SRL: variants seen among roughly 807,000 people sequenced by gnomAD.
SRL encodes the protein sarcalumenin.
Under a neutral mutation model 39.5 loss-of-function variants are expected in SRL, and 23 were observed. The ratio of observed to expected loss-of-function variants is 0.58; its 90% confidence interval spans 0.42 to 0.82. SRL has a LOEUF of 0.82. SRL is among the 40% of genes least tolerant of loss of function. SRL has a pLI of 0.00. For missense variants in SRL, 592 were observed against 607.8 expected (o/e 0.97, Z 0.27); for synonymous variants, 272 against 237.4 (o/e 1.15, Z -1.34).
chr16:4,206,955 T>G, intron 1 of SRL: 1 of 455,976 alleles, frequency 2.2e-6, no homozygotes, highest in South Asian at 1.5e-5. Context: ...ATCCCCACCT[T>G]CCTGGGGCTC....
chr16:4,219,576 G>A (rs1461320584), intron 1 of SRL, among the ~76,000 whole-genome samples: 1 of 152,164 alleles, frequency 6.6e-6, no homozygotes, highest in African/African-American at 2.4e-5. Flanking sequence ...TCCTGCCTCA[G>A]CCTGTTGAGT....
intron 1 of SRL, among the ~76,000 whole-genome samples, chr16:4,226,429 G>C (rs1001829439): frequency 6.6e-6 from 1 of 151,938 alleles, no homozygotes; most frequent in Non-Finnish European, 1.5e-5. Context: ...ATGAATGGAT[G>C]GATGGGTGGA....
At chr16:4,193,048 G>A (rs551328161) in intron 5 of SRL, 84 bp from the exon 6 acceptor site, 5 of 1,229,056 alleles carry the variant, frequency 4.1e-6, no homozygotes, top group East Asian at 2.4e-5. Context: ...AACCATTCTG[G>A]GGGTTGAAAG....
At chr16:4,236,131 A>C (rs1297441748) in intron 1 of SRL, among the ~76,000 whole-genome samples, 1 of 152,188 alleles carries the variant, frequency 6.6e-6, no homozygotes, top group Non-Finnish European at 1.5e-5. Flanking sequence ...CAGTAAACCC[A>C]TCTGCTTTTA....
chr16:4,195,026 C>T (rs59346246), intron 5 of SRL, among the ~76,000 whole-genome samples: 252 of 152,048 alleles, frequency 1.7e-3, no homozygotes, highest in African/African-American at 5.9e-3. Context: ...TCCCGAGTAG[C>T]TGGGACTACA....
chr16:4,222,698 A>G (rs1436011792), intron 1 of SRL, among the ~76,000 whole-genome samples: 1 of 152,228 alleles, frequency 6.6e-6, no homozygotes, highest in Non-Finnish European at 1.5e-5. Flanking sequence ...TGCTGGCTGC[A>G]TTGAGAGCAC....
At chr16:4,232,801 C>A (rs868237133) in intron 1 of SRL, among the ~76,000 whole-genome samples, 1 of 152,192 alleles carries the variant, frequency 6.6e-6, no homozygotes, top group African/African-American at 2.4e-5. Context: ...CAAGAGCCAC[C>A]GTGCCCAGCC....
chr16:4,222,075 C>T (rs959964086), intron 1 of SRL, among the ~76,000 whole-genome samples: 2 of 152,204 alleles, frequency 1.3e-5, no homozygotes, highest in Non-Finnish European at 2.9e-5. Flanking sequence ...GGGATGCAAT[C>T]CAACCCATAA....
intron 3 of SRL, among the ~76,000 whole-genome samples, chr16:4,198,273 A>T (rs1483686754): frequency 6.6e-6 from 1 of 152,176 alleles, no homozygotes; most frequent in Non-Finnish European, 1.5e-5. Context: ...TTCCACATGG[A>T]GAGAATCTGG....
intron 3 of SRL, among the ~76,000 whole-genome samples, chr16:4,201,119 T>TTTG (rs897917030): frequency 6.6e-5 from 10 of 151,140 alleles, no homozygotes; most frequent in African/African-American, 2.4e-4. Flanking sequence ...GGTTCCAATT[T>TTTG]TTTTTTTTTT....
intron 1 of SRL, among the ~76,000 whole-genome samples, chr16:4,206,159 C>G (rs768305075): frequency 6.6e-6 from 1 of 152,218 alleles, no homozygotes; most frequent in Non-Finnish European, 1.5e-5. Context: ...CCTTCCCCCT[C>G]TGCTCCTGGC....
At chr16:4,227,177 GATGA>G (rs1047335847) in intron 1 of SRL, among the ~76,000 whole-genome samples, 1 of 151,644 alleles carries the variant, frequency 6.6e-6, no homozygotes, top group Non-Finnish European at 1.5e-5. Flanking sequence ...AGGGTGGATA[GATGA>G]ATGGACAGAC....
At chr16:4,228,311 C>T (rs1236922363) in intron 1 of SRL, among the ~76,000 whole-genome samples, 1 of 152,194 alleles carries the variant, frequency 6.6e-6, no homozygotes, top group African/African-American at 2.4e-5. Flanking sequence ...GCGGCGCATG[C>T]CTGTAATCCC....
chr16:4,214,337 G>C (rs370529503), intron 1 of SRL, among the ~76,000 whole-genome samples: 15 of 152,340 alleles, frequency 9.8e-5, no homozygotes, highest in African/African-American at 3.4e-4. Context: ...ACTAGAGCTA[G>C]CAAGTCCAAA....
intron 1 of SRL, among the ~76,000 whole-genome samples, chr16:4,212,523 G>A (rs530502825): frequency 3.2e-4 from 49 of 152,312 alleles, no homozygotes; most frequent in South Asian, 8.3e-4. Context: ...CCTGGAGCAG[G>A]GAGGCCGCAG....
chr16:4,227,341 A>G (rs924458138), intron 1 of SRL, among the ~76,000 whole-genome samples: 6 of 150,752 alleles, frequency 4.0e-5, no homozygotes, highest in African/African-American at 9.8e-5. Context: ...GGGTGGATGG[A>G]CAGACAGATG....
rs2052291513 is a variant in SRL at position 4,204,551 on chromosome 16, G to A, written c.145C>T (p.Pro49Ser). The stretch of plus-strand genomic sequence containing the variant: ...TGGTTACCAGAGTAGTCATCGGATG[G>A]CTTGTCCTCATTCAGCATGAGGGTC... ...EKTLMLNEDKPSDDYSAVLQR... is the reference protein window; with the variant it reads ...EKTLMLNEDKSSDDYSAVLQR... Residue 49 changes from proline to serine, a missense_variant, in exon 2 of 6, where the codon CCA becomes TCA. Transcript: ENST00000399609. 1 of 1,600,874 alleles carries A rather than the reference G, an allele frequency of 6.2e-7. No homozygotes were observed. Among genetic ancestry groups the A allele is most frequent in the Non-Finnish European group, 8.5e-7 (1 of 1,173,332 alleles).
At chr16:4,205,804 A>C (rs2141035214) in intron 1 of SRL, among the ~76,000 whole-genome samples, 1 of 152,108 alleles carries the variant, frequency 6.6e-6, no homozygotes, top group South Asian at 2.1e-4. Flanking sequence ...CTAGCGTGAT[A>C]GTGCATGCCT....
intron 1 of SRL, among the ~76,000 whole-genome samples, chr16:4,217,830 G>A (rs962514371): frequency 3.3e-5 from 5 of 152,154 alleles, no homozygotes; most frequent in Non-Finnish European, 5.9e-5. Context: ...AGCCAGCTTC[G>A]GACAGGAGCC....
Sources: allele counts gnomAD v4.1 joint callset (sites outside exome capture counted in the v4.1 genomes callset), GRCh38; gene constraint gnomAD v4.1.1; transcripts MANE v1.5; gene names NCBI Gene and HGNC (gene_info 2026-07-23, HGNC 2026-07-21).